Variants in KLF17 observed in about 807,000 individuals in gnomAD.
KLF17 encodes the protein Krueppel-like factor 17.
In KLF17, 31 loss-of-function variants were observed where a neutral mutation model predicts 34.2. The observed-to-expected ratio is 0.91, with a 90% CI of 0.68 to 1.22. KLF17 has a LOEUF of 1.22. Ranked by LOEUF, KLF17 falls within the 50% of genes most tolerant of loss-of-function variation. The pLI is 0.00. For synonymous variants in KLF17, 179 were observed against 186.7 expected, an observed-to-expected ratio of 0.96 and a Z score of 0.34; for missense variants, 478 against 505.2, an observed-to-expected ratio of 0.95 and a Z score of 0.52.
chr1:44,124,421 C>CT (rs1471776691), intron 1 of KLF17, among the ~76,000 whole-genome samples: 1 of 151,194 alleles, frequency 6.6e-6, no homozygotes, highest in Non-Finnish European at 1.5e-5. Context: ...CCTCTACCTC[C>CT]TGGGTTCAAG....
chr1:44,123,964 GA>G (rs1252803018), intron 1 of KLF17, among the ~76,000 whole-genome samples: 3 of 150,622 alleles, frequency 2.0e-5, no homozygotes, highest in Non-Finnish European at 3.0e-5. Context: ...AGTTTATTTT[GA>G]AATCTATTGA....
At chr1:44,097,631 A>G in the KLF17 span, among the ~76,000 whole-genome samples, 1 of 152,144 alleles carries the variant, frequency 6.6e-6, no homozygotes, top group Non-Finnish European at 1.5e-5. Flanking sequence ...TGGGTACATT[A>G]TAGGTATATT....
intron 1 of KLF17, among the ~76,000 whole-genome samples, chr1:44,124,586 C>T (rs548904364): frequency 4.3e-4 from 66 of 151,988 alleles, no homozygotes; most frequent in African/African-American, 1.4e-3. Flanking sequence ...GCTCCGCCCC[C>T]GGGGTTCACG....
chr1:44,094,268 C>T, the KLF17 span, among the ~76,000 whole-genome samples: 1 of 152,208 alleles, frequency 6.6e-6, no homozygotes, highest in South Asian at 2.1e-4. Context: ...GGGTAGTTTG[C>T]AAATATTTTC....
At chr1:44,115,539 T>C (rs1571980151), upstream of KLF17, 1 of 152,006 alleles carries the variant, frequency 6.6e-6, no homozygotes, top group Non-Finnish European at 1.5e-5. Context: ...CATTTTTGTT[T>C]GTTAAGTGCA....
chr1:44,109,457 A>T, the KLF17 span, among the ~76,000 whole-genome samples: 2 of 152,242 alleles, frequency 1.3e-5, no homozygotes, highest in Non-Finnish European at 2.9e-5. Context: ...GAAAGGTTTA[A>T]TCCTTGGGCA....
At chr1:44,082,021 A>G in the KLF17 span, among the ~76,000 whole-genome samples, 3 of 152,214 alleles carry the variant, frequency 2.0e-5, no homozygotes, top group Non-Finnish European at 4.4e-5. Flanking sequence ...TGGCAACACC[A>G]TATATTGGGA....
chr1:44,124,495 A>AT (rs35952182), intron 1 of KLF17, among the ~76,000 whole-genome samples: 36,081 of 112,342 alleles, frequency 0.32, 6,493 homozygotes, highest in South Asian at 0.43. Context: ...CACTTGGCTA[A>AT]TTTTTTTTTT....
At chr1:44,127,639 C>CTTTTCTTTCTTTCTTTCTTTCTTT (rs1553171634) in intron 1 of KLF17, among the ~76,000 whole-genome samples, 2 of 77,346 alleles carry the variant, frequency 2.6e-5, no homozygotes, top group Admixed American at 1.4e-4. Context: ...CTTTTCTTTC[C>CTTTTCTTTCTTTCTTTCTTTCTTT]TTCTTTCTTT....
intron 1 of KLF17, among the ~76,000 whole-genome samples, chr1:44,127,694 T>TTTC: frequency 1.8e-5 from 1 of 55,498 alleles, no homozygotes; most frequent in African/African-American, 5.9e-5. Context: ...TTCTTTCTTT[T>TTTC]TCTTTCTTTC....
chr1:44,046,705 T>A, the KLF17 span, among the ~76,000 whole-genome samples: 1 of 152,178 alleles, frequency 6.6e-6, no homozygotes, highest in East Asian at 1.9e-4. Flanking sequence ...TAGAATCTGA[T>A]CTGAGGCAGT....
the KLF17 span, among the ~76,000 whole-genome samples, chr1:44,100,273 A>G: frequency 1.4e-5 from 2 of 144,106 alleles, no homozygotes; most frequent in African/African-American, 2.6e-5. Flanking sequence ...AAAAAAAAAA[A>G]GAGAGAGAGA....
rs571258522 is a variant in KLF17 at position 44,130,332 on chromosome 1, C to T, written c.925+136C>T. 45 of 1,409,480 alleles carry T rather than the reference C, an allele frequency of 3.2e-5. No homozygotes were observed. The East Asian group carries it at 1.0e-3, about 32-fold the overall frequency. 87.3% of individuals were successfully genotyped at this position (1,409,480 alleles called of 1,614,324 possible). On this transcript the variant is annotated intron_variant, in intron 2 of 3. Transcript: ENST00000372299. ...GAACTAAGCTAGACTGGCCCCCCGACTTGCCATACAGGAGGACTGTGCCAA... is the reference window on the plus strand; with the variant it reads ...GAACTAAGCTAGACTGGCCCCCCGATTTGCCATACAGGAGGACTGTGCCAA...
the KLF17 span, among the ~76,000 whole-genome samples, chr1:44,070,741 G>A: frequency 6.6e-6 from 1 of 151,564 alleles, no homozygotes; most frequent in South Asian, 2.1e-4. Context: ...AACCCTACGG[G>A]ATTACCAAGT....
At chr1:44,106,609 A>G in the KLF17 span, 1 of 152,176 alleles carries the variant, frequency 6.6e-6, no homozygotes, top group African/African-American at 2.4e-5. Context: ...GAAATAAATT[A>G]CTCAAGTCAA....
the KLF17 span, chr1:44,103,333 G>T: frequency 3.3e-6 from 1 of 306,282 alleles, no homozygotes. Flanking sequence ...CAAAGGACTC[G>T]GACACCGGAC....
At chr1:44,082,437 G>A in the KLF17 span, among the ~76,000 whole-genome samples, 8 of 151,802 alleles carry the variant, frequency 5.3e-5, no homozygotes, top group South Asian at 2.1e-4. Context: ...AAATTACACC[G>A]GGGACTGTGT....
chr1:44,094,281 C>G, the KLF17 span, among the ~76,000 whole-genome samples: 3 of 152,094 alleles, frequency 2.0e-5, no homozygotes, highest in African/African-American at 7.2e-5. Flanking sequence ...ATATTTTCCC[C>G]CATTCCATGG....
chr1:44,055,405 C>G, the KLF17 span, among the ~76,000 whole-genome samples: 1 of 152,188 alleles, frequency 6.6e-6, no homozygotes, highest in Non-Finnish European at 1.5e-5. Flanking sequence ...TTATCCACCC[C>G]CTTGGTTGCA....
Sources: gnomAD v4.1 joint callset for allele counts (sites outside exome capture counted in the v4.1 genomes callset) on GRCh38, gnomAD v4.1.1 for gene constraint, MANE v1.5 for transcripts, NCBI Gene and HGNC (gene_info 2026-07-23, HGNC 2026-07-21) for gene names.